The following RALY variants were observed in gnomAD, a reference collection of about 807,000 sequenced individuals.
RALY encodes RALY heterogeneous nuclear ribonucleoprotein.
RALY carries 15 observed loss-of-function variants against 30.7 expected under a neutral mutation model. The ratio of observed to expected loss-of-function variants is 0.49; its 90% CI spans 0.33 to 0.75. The LOEUF is 0.75. Among genes scored for constraint, RALY ranks in the 30% least tolerant of loss-of-function variants. The probability of loss-of-function intolerance (pLI) is 0.02; values close to 1 mark genes in which losing one functional copy is unlikely to be tolerated. For missense variants in RALY, 339 were observed against 414.3 expected (o/e 0.82, Z 1.58); for synonymous variants, 177 against 170.8 (o/e 1.04, Z -0.28).
chr20:34,016,227 A>G (rs1336256413), intron 1 of RALY, among the ~76,000 whole-genome samples: 1 of 152,182 alleles, frequency 6.6e-6, no homozygotes, highest in African/African-American at 2.4e-5. Flanking sequence ...CAGACATTTT[A>G]GTTTCAGACT....
At chr20:34,006,564 T>C (rs914913239) in intron 1 of RALY, among the ~76,000 whole-genome samples, 1 of 152,242 alleles carries the variant, frequency 6.6e-6, no homozygotes, top group African/African-American at 2.4e-5. Context: ...AGTCACATGC[T>C]GCATAGAGAT....
chr20:34,040,425 G>A (rs1333059577), intron 2 of RALY, among the ~76,000 whole-genome samples: 2 of 152,110 alleles, frequency 1.3e-5, no homozygotes, highest in African/African-American at 2.4e-5. Context: ...AGAAACAAGC[G>A]CTCCATAAGC....
At chr20:34,011,032 T>TGGGGGGGGG (rs11325275) in intron 1 of RALY, among the ~76,000 whole-genome samples, 1 of 78,650 alleles carries the variant, frequency 1.3e-5, no homozygotes, top group Admixed American at 1.7e-4. Context: ...ATAAACTGGG[T>TGGGGGGGGG]GGGGGGGGGG....
chr20:34,026,428 A>C (rs1311787763), intron 1 of RALY, among the ~76,000 whole-genome samples: 1 of 146,342 alleles, frequency 6.8e-6, no homozygotes, highest in Non-Finnish European at 1.5e-5. Flanking sequence ...ATTGAGGCGG[A>C]GTCTCGCTCT....
At chr20:34,054,099 G>T (rs79748570) in intron 2 of RALY, among the ~76,000 whole-genome samples, 194 of 152,218 alleles carry the variant, frequency 1.3e-3, no homozygotes, top group African/African-American at 4.5e-3. Context: ...CTATTCTGCT[G>T]ATGGATGAGG....
At chr20:34,011,602 G>A (rs562364449) in intron 1 of RALY, among the ~76,000 whole-genome samples, 41 of 152,310 alleles carry the variant, frequency 2.7e-4, no homozygotes, top group Non-Finnish European at 4.3e-4. Flanking sequence ...GGAGTGGAAA[G>A]AATAAAGCTA....
At chr20:34,000,545 G>T (rs571134593) in intron 1 of RALY, among the ~76,000 whole-genome samples, 1 of 152,216 alleles carries the variant, frequency 6.6e-6, no homozygotes, top group East Asian at 1.9e-4. Flanking sequence ...TTTCATAATG[G>T]CTTTCATGGT....
intron 1 of RALY, among the ~76,000 whole-genome samples, chr20:34,020,629 T>C (rs1459788916): frequency 6.6e-6 from 1 of 152,268 alleles, no homozygotes; most frequent in Non-Finnish European, 1.5e-5. Context: ...ATTGCCTCTT[T>C]TGTAAAGTTT....
intron 1 of RALY, among the ~76,000 whole-genome samples, chr20:34,019,269 T>C (rs2123046515): frequency 6.6e-6 from 1 of 151,648 alleles, no homozygotes; most frequent in Admixed American, 6.6e-5. Flanking sequence ...GAGGTTGCAG[T>C]GAGTCGAGAT....
intron 2 of RALY, among the ~76,000 whole-genome samples, chr20:34,049,543 C>T (rs753454617): frequency 5.3e-5 from 8 of 152,220 alleles, no homozygotes; most frequent in Non-Finnish European, 1.0e-4. Flanking sequence ...TAAGCACTTT[C>T]TCTGGGCTTT....
intron 2 of RALY, among the ~76,000 whole-genome samples, chr20:34,067,797 C>T (rs372995247): frequency 4.7e-5 from 7 of 147,528 alleles, no homozygotes; most frequent in East Asian, 2.0e-4. Context: ...TTTTCTCAAA[C>T]GTAGCTTTTT....
chr20:34,024,426 C>G (rs2031943791), intron 1 of RALY, among the ~76,000 whole-genome samples: 1 of 152,190 alleles, frequency 6.6e-6, no homozygotes, highest in South Asian at 2.1e-4. Flanking sequence ...CTAGAGATAG[C>G]TTCAGCTGAG....
At chr20:34,076,306 A>G in intron 6 of RALY, 1 of 548,820 alleles carries the variant, frequency 1.8e-6, no homozygotes, top group East Asian at 3.2e-5. Flanking sequence ...AAGGATAAGG[A>G]CAGGTCTACC....
chr20:34,051,147 C>G (rs941747644), intron 2 of RALY, among the ~76,000 whole-genome samples: 1 of 152,032 alleles, frequency 6.6e-6, no homozygotes, highest in African/African-American at 2.4e-5. Flanking sequence ...TATTACAGAC[C>G]CCTTTCATAC....
At chr20:34,006,088 A>G (rs1318276850) in intron 1 of RALY, among the ~76,000 whole-genome samples, 1 of 152,260 alleles carries the variant, frequency 6.6e-6, no homozygotes, top group Non-Finnish European at 1.5e-5. Context: ...CGCTGCTGAT[A>G]TGATAGATGG....
At chr20:34,022,065 T>G (rs74897675) in intron 1 of RALY, among the ~76,000 whole-genome samples, 4 of 150,860 alleles carry the variant, frequency 2.7e-5, no homozygotes, top group Admixed American at 2.6e-4. Flanking sequence ...GCCTTCTCTT[T>G]CTTTCCTTTT....
intron 5 of RALY, among the ~76,000 whole-genome samples, 165 bp from the exon 6 acceptor site, chr20:34,075,709 C>T (rs984205497): frequency 1.3e-5 from 2 of 152,262 alleles, no homozygotes; most frequent in African/African-American, 2.4e-5. Flanking sequence ...CATCAGGGTC[C>T]GGCAAGCCCT....
At position 34,053,383 on chromosome 20, in the gene RALY, A is replaced by ATTTTTTTTTTTTTTTTTT. The variant is rs60912814; in HGVS notation, c.-9-18668_-9-18651dup. Reference sequence around the variant, plus strand: ...GCCAACATTTAGTAGATGTTCAATAATTTTTTTTTTTTTTTTTTTTTTTTT... The same window carrying ATTTTTTTTTTTTTTTTTT: ...GCCAACATTTAGTAGATGTTCAATAATTTTTTTTTTTTTTTTTTTTTTTTTTTTTTTTTTTTTTTTTTT... On this transcript the variant is annotated intron_variant, in intron 2 of 9. Transcript: ENST00000246194. 2.4e-4 allele frequency among the ~76,000 whole-genome samples: 13 copies of ATTTTTTTTTTTTTTTTTT among 54,140 alleles called. 1 individual carries two copies. The highest frequency in any genetic ancestry group is 4.7e-4 in the African/African-American group (6 of 12,742). The allele number at this position is 54,140 out of a possible 152,430, so 35.5% of individuals were successfully genotyped here.
intron 1 of RALY, among the ~76,000 whole-genome samples, chr20:34,030,961 C>T (rs1235842411): frequency 6.6e-6 from 1 of 151,980 alleles, no homozygotes; most frequent in Non-Finnish European, 1.5e-5. Flanking sequence ...ATAGACTTCA[C>T]CCTTACCTTT....
Sources: allele counts gnomAD v4.1 joint callset (sites outside exome capture counted in the v4.1 genomes callset), GRCh38; gene constraint gnomAD v4.1.1; transcripts MANE v1.5; gene names NCBI Gene and HGNC (gene_info 2026-07-23, HGNC 2026-07-21).